ANKDD1B: variants seen among roughly 807,000 people sequenced by gnomAD.
ANKDD1B encodes the protein ankyrin repeat and death domain-containing protein 1B.
ANKDD1B carries 57 observed loss-of-function variants against 59.7 expected under a neutral mutation model. That is an observed-to-expected ratio of 0.95 (90% CI 0.77 to 1.19). The LOEUF (loss-of-function observed/expected upper bound fraction) is 1.19. Ranked by LOEUF, ANKDD1B falls within the 50% of genes most tolerant of loss-of-function variation. The pLI is 0.00. For synonymous variants in ANKDD1B, 216 were observed against 239.5 expected (o/e 0.90, Z 0.91); for missense variants, 602 against 641.9 (o/e 0.94, Z 0.67).
At chr5:75,663,338 A>G (rs1170086094) in intron 10 of ANKDD1B, 56 bp from the exon 11 acceptor site, 3 of 1,260,868 alleles carry the variant, frequency 2.4e-6, no homozygotes, top group Non-Finnish European at 3.3e-6. Flanking sequence ...TTCCAAAACT[A>G]GAGCTCCTAA....
In ANKDD1B at chr5:75,647,993, A is replaced by C. The variant is rs920392905; in HGVS notation, c.799-5149A>C. On this transcript the variant is annotated intron_variant, in intron 7 of 13. Coordinates refer to ENST00000601380, the MANE Select transcript of ANKDD1B (RefSeq NM_001276713.2). ...TGGAAACCATCATTCTCAGTAAACT[A>C]TCACAAGAACAAAAAACCAAACACC... is the stretch of plus-strand genomic sequence containing the variant. Among the ~76,000 whole-genome samples, 9 of 120,800 alleles carry C rather than the reference A, an allele frequency of 7.5e-5. 1 individual carries two copies. The highest frequency in any genetic ancestry group is 2.5e-4 in the African/African-American group (5 of 20,388). 79.2% of individuals were successfully genotyped at this position (120,800 alleles called of 152,430 possible).
chr5:75,631,065 T>C (rs6892062), intron 5 of ANKDD1B, among the ~76,000 whole-genome samples: 2,790 of 152,248 alleles, frequency 0.018, 95 homozygotes, highest in African/African-American at 0.064. Context: ...GGCAGGCAGG[T>C]AAGGCCTGGA....
chr5:75,647,921 C>T (rs1430763630), intron 7 of ANKDD1B, among the ~76,000 whole-genome samples: 2 of 107,906 alleles, frequency 1.9e-5, no homozygotes, highest in Non-Finnish European at 3.3e-5. Context: ...ACTATGCAGC[C>T]ATAAAAAATG....
At position 75,620,497 on chromosome 5, in the gene ANKDD1B, C is replaced by T. The variant is rs1773819920; in HGVS notation, c.396+84C>T. 3 of 704,882 alleles carry T rather than the reference C, an allele frequency of 4.3e-6. No individual in the cohort carries two copies. In the South Asian group the frequency reaches 5.7e-5, roughly 13 times the overall value. The allele number at this position is 704,882 out of a possible 1,614,324, so 43.7% of individuals were successfully genotyped here. Reference sequence around the variant, plus strand: ...TCATTCCAGTTAGACATCTTTTCTTCACATACACACAAAATATTTTAATTG... The same window carrying T: ...TCATTCCAGTTAGACATCTTTTCTTTACATACACACAAAATATTTTAATTG... On this transcript the variant is annotated intron_variant, in intron 3 of 13. Transcript: ENST00000601380.
rs116229086 is a variant in ANKDD1B, at chr5:75,631,192, C to A, written c.601-3706C>A. Among the ~76,000 whole-genome samples, 801 of 152,286 alleles carry A rather than the reference C, an allele frequency of 5.3e-3. 5 individuals are homozygous for A. The highest frequency in any genetic ancestry group is 7.6e-3 in the Non-Finnish European group (519 of 68,030). On this transcript the variant is annotated intron_variant, in intron 5 of 13. Transcript: ENST00000601380. The stretch of plus-strand genomic sequence containing the variant: ...AAAGGTAAATATAAAGGCAAAGCAA[C>A]AAATGCCACACTAGGGCACAAGACC...
chr5:75,658,033 G>A (rs2112011424), intron 9 of ANKDD1B, among the ~76,000 whole-genome samples: 1 of 151,368 alleles, frequency 6.6e-6, no homozygotes, highest in East Asian at 1.9e-4. Context: ...GCAACATAGT[G>A]AGGCCTCATC....
intron 7 of ANKDD1B, among the ~76,000 whole-genome samples, chr5:75,648,960 C>T (rs1774740288): frequency 6.6e-6 from 1 of 152,174 alleles, no homozygotes; most frequent in African/African-American, 2.4e-5. Context: ...TGAGTCATTT[C>T]TAAGGAGGAT....
intron 7 of ANKDD1B, among the ~76,000 whole-genome samples, chr5:75,650,535 A>G (rs1440560538): frequency 6.6e-6 from 1 of 152,190 alleles, no homozygotes; most frequent in African/African-American, 2.4e-5. Flanking sequence ...AAAATAAAAC[A>G]TTTTTATTAA....
chr5:75,659,843 A>C (rs909664712), intron 10 of ANKDD1B, among the ~76,000 whole-genome samples: 1 of 152,138 alleles, frequency 6.6e-6, no homozygotes, highest in Non-Finnish European at 1.5e-5. Context: ...CACTGATGGC[A>C]TACCTATAAC....
At chr5:75,650,612 G>T (rs1377301403) in intron 7 of ANKDD1B, among the ~76,000 whole-genome samples, 1 of 152,096 alleles carries the variant, frequency 6.6e-6, no homozygotes, top group Non-Finnish European at 1.5e-5. Context: ...ATTTTTACAG[G>T]CAAAGACAAA....
At chr5:75,657,965 A>AT (rs1775018173) in intron 9 of ANKDD1B, among the ~76,000 whole-genome samples, 1 of 151,740 alleles carries the variant, frequency 6.6e-6, no homozygotes, top group African/African-American at 2.4e-5. Context: ...TAATCCCAAC[A>AT]CTTTGGGTGG....
At chr5:75,624,891 T>A (rs891113803) in intron 3 of ANKDD1B, among the ~76,000 whole-genome samples, 2 of 152,232 alleles carry the variant, frequency 1.3e-5, no homozygotes, top group African/African-American at 4.8e-5. Flanking sequence ...ATTTTCCATA[T>A]TTAGCAAAGC....
chr5:75,653,936 G>A (rs892290389), intron 8 of ANKDD1B, among the ~76,000 whole-genome samples: 7 of 152,222 alleles, frequency 4.6e-5, no homozygotes, highest in Non-Finnish European at 1.0e-4. Context: ...TGTTTCTCAG[G>A]AGGAGCTGGG....
intron 11 of ANKDD1B, among the ~76,000 whole-genome samples, chr5:75,664,845 T>A (rs141808746): frequency 6.6e-6 from 1 of 152,190 alleles, no homozygotes; most frequent in Admixed American, 6.5e-5. Flanking sequence ...AGTTGTTAAC[T>A]CCGGTGACAA....
At chr5:75,669,531 G>A in intron 13 of ANKDD1B, 148 bp downstream of exon 13, 1 of 622,874 alleles carries the variant, frequency 1.6e-6, no homozygotes, top group African/African-American at 1.9e-5. Context: ...GGGCTTGTAA[G>A]CTGTCAGCAG....
At chr5:75,617,044 G>T (rs116260214) in intron 2 of ANKDD1B, 137 bp downstream of exon 2, 89 of 502,426 alleles carry the variant, frequency 1.8e-4, no homozygotes, top group African/African-American at 1.6e-3. Context: ...TGGTAATCCC[G>T]GGGTGTTTAA....
intron 5 of ANKDD1B, among the ~76,000 whole-genome samples, chr5:75,629,211 A>G (rs912817123): frequency 6.6e-6 from 1 of 152,136 alleles, no homozygotes; most frequent in Non-Finnish European, 1.5e-5. Flanking sequence ...TGAGGGGAGA[A>G]CTAACCCAGT....
At chr5:75,637,699 TAAGC>T (rs1774354769) in intron 7 of ANKDD1B, among the ~76,000 whole-genome samples, 1 of 152,206 alleles carries the variant, frequency 6.6e-6, no homozygotes, top group African/African-American at 2.4e-5. Flanking sequence ...AAGGAAAAAA[TAAGC>T]AAGATAACTC....
intron 3 of ANKDD1B, among the ~76,000 whole-genome samples, chr5:75,621,987 C>T (rs1309824001): frequency 2.0e-5 from 3 of 152,172 alleles, no homozygotes; most frequent in Admixed American, 6.5e-5. Context: ...CTAATTAAAT[C>T]ATCTACAGTG....
Sources: gnomAD v4.1 joint callset for allele counts (sites outside exome capture counted in the v4.1 genomes callset) on GRCh38, gnomAD v4.1.1 for gene constraint, MANE v1.5 for transcripts, NCBI Gene and HGNC (gene_info 2026-07-23, HGNC 2026-07-21) for gene names.